FAM171A1: variants seen among roughly 807,000 people sequenced by gnomAD.
FAM171A1 encodes family with sequence similarity 171 member A1, also known as protein FAM171A1.
In FAM171A1, 23 loss-of-function variants were observed where a neutral mutation model predicts 74.9. The ratio of observed to expected loss-of-function variants is 0.31; its 90% CI spans 0.22 to 0.44. FAM171A1 has a LOEUF of 0.44. Among genes scored for constraint, FAM171A1 ranks in the 20% least tolerant of loss-of-function variants. The pLI is 1.00. For missense variants in FAM171A1, 1,162 were observed against 1,159.2 expected (o/e 1.00, Z -0.03); for synonymous variants, 527 against 505.7 (o/e 1.04, Z -0.57).
chr10:15,280,860 G>A (rs1300976272), intron 2 of FAM171A1, among the ~76,000 whole-genome samples: 1 of 152,176 alleles, frequency 6.6e-6, no homozygotes, highest in Non-Finnish European at 1.5e-5. Flanking sequence ...TTTCACAATA[G>A]GCTAAATTTT....
In FAM171A1 at chr10:15,215,905, A is replaced by C. The variant is rs1259321179; in HGVS notation, c.986+91T>G. ...TACTTCAATTTAGAAAAATTAAAAA[A>C]AAAACCCACCTCCATATTAATGCTT... On this transcript the variant is annotated intron_variant, in intron 7 of 7. Coordinates refer to ENST00000378116, the MANE Select transcript of FAM171A1 (RefSeq NM_001010924.2). 4.0e-6 allele frequency: 3 copies of C among 755,510 alleles called. No individual in the cohort carries two copies. In the East Asian group the frequency reaches 8.6e-5, roughly 22 times the overall value. 46.8% of individuals were successfully genotyped at this position (755,510 alleles called of 1,614,324 possible). A position where few individuals can be genotyped will look rare whatever the true frequency, so the allele number is the denominator to read the frequency against.
At chr10:15,308,346 G>A (rs1422450846) in intron 1 of FAM171A1, among the ~76,000 whole-genome samples, 2 of 152,220 alleles carry the variant, frequency 1.3e-5, no homozygotes, top group African/African-American at 2.4e-5. Context: ...ATGCTAGGGG[G>A]AGGTTATAAA....
At chr10:15,335,658 TGAAA>T in intron 1 of FAM171A1, among the ~76,000 whole-genome samples, 1 of 152,348 alleles carries the variant, frequency 6.6e-6, no homozygotes, top group East Asian at 1.9e-4. Flanking sequence ...ATTCACAGCC[TGAAA>T]GTGACAGGGG....
At chr10:15,289,520 G>A (rs953857887) in intron 1 of FAM171A1, among the ~76,000 whole-genome samples, 1 of 152,178 alleles carries the variant, frequency 6.6e-6, no homozygotes, top group Middle Eastern at 3.4e-3. Context: ...CGTGAACACT[G>A]CCCTATTTCC....
Position 15,228,974 on chromosome 10 carries a change from C to T in FAM171A1, c.755-7914G>A, listed in dbSNP as rs1263553733. 2.0e-5 allele frequency among the ~76,000 whole-genome samples: 3 copies of T among 152,188 alleles called. No homozygotes were observed. The East Asian group carries it at 5.8e-4, about 29-fold the overall frequency. Reference sequence around the variant, plus strand: ...TTGTAGCTGGGTACTTTACTTCTTGCAGCTAATGTATTCTAATAGATGTAT... The same window carrying T: ...TTGTAGCTGGGTACTTTACTTCTTGTAGCTAATGTATTCTAATAGATGTAT... On this transcript the variant is annotated intron_variant, in intron 5 of 7. Coordinates refer to ENST00000378116, the MANE Select transcript of FAM171A1 (RefSeq NM_001010924.2).
At chr10:15,216,645 G>C (rs1452760745) in intron 6 of FAM171A1, among the ~76,000 whole-genome samples, 1 of 151,946 alleles carries the variant, frequency 6.6e-6, no homozygotes, top group Non-Finnish European at 1.5e-5. Context: ...TGTTGCCTAG[G>C]TGGGTCTTGA....
intron 5 of FAM171A1, among the ~76,000 whole-genome samples, chr10:15,225,717 C>T (rs1834097858): frequency 6.6e-6 from 1 of 152,078 alleles, no homozygotes. Flanking sequence ...AGGAAGGGCG[C>T]CCTTTCATCA....
chr10:15,233,948 G>A (rs1834245045), intron 5 of FAM171A1, among the ~76,000 whole-genome samples: 1 of 151,344 alleles, frequency 6.6e-6, no homozygotes, highest in South Asian at 2.1e-4. Flanking sequence ...ATACATGGCT[G>A]GAGTGTACTA....
chr10:15,255,397 C>A (rs994988596), intron 3 of FAM171A1, among the ~76,000 whole-genome samples: 2 of 152,198 alleles, frequency 1.3e-5, no homozygotes, highest in East Asian at 1.9e-4. Context: ...AATACCCCAG[C>A]GGCAATGAAT....
chr10:15,328,301 A>G (rs1198775668), intron 1 of FAM171A1, among the ~76,000 whole-genome samples: 2 of 151,982 alleles, frequency 1.3e-5, no homozygotes, highest in Non-Finnish European at 2.9e-5. Flanking sequence ...CCCACCACCA[A>G]GCCCAGCTAA....
At chr10:15,247,719 C>T (rs934167365) in intron 5 of FAM171A1, among the ~76,000 whole-genome samples, 3 of 152,122 alleles carry the variant, frequency 2.0e-5, no homozygotes, top group Non-Finnish European at 1.5e-5. Context: ...GTGAACCACC[C>T]GCCTCAGCCT....
Position 15,220,973 on chromosome 10 carries a change from C to A in FAM171A1, c.842G>T (p.Trp281Leu). ...WTYIAPQLGY[W>L]VAAMSPPIPG... is the part of the protein sequence containing the mutation. ...GATGGGAGGGGACATGGCGGCCACCCAGTACCCCAACTGGGGGGCAATGTA... is the reference window on the plus strand; with the variant it reads ...GATGGGAGGGGACATGGCGGCCACCAAGTACCCCAACTGGGGGGCAATGTA... Residue 281 changes from tryptophan (W) to leucine (L), a missense_variant, in exon 6 of 8, where the codon TGG (tryptophan) becomes TTG (leucine). Transcript: ENST00000378116. The A allele has an allele frequency of 6.2e-7, 1 of 1,614,060 alleles. No homozygotes were observed.
At chr10:15,317,931 C>T (rs1214760324) in intron 1 of FAM171A1, among the ~76,000 whole-genome samples, 1 of 152,252 alleles carries the variant, frequency 6.6e-6, no homozygotes, top group Non-Finnish European at 1.5e-5. Context: ...GCTGGGACTA[C>T]AGGCATGTGC....
At chr10:15,365,275 C>T (rs770165947) in intron 1 of FAM171A1, among the ~76,000 whole-genome samples, 24 of 152,118 alleles carry the variant, frequency 1.6e-4, no homozygotes, top group Non-Finnish European at 2.9e-4. Context: ...AACAGAGAAG[C>T]AGGAATGCCG....
intron 5 of FAM171A1, among the ~76,000 whole-genome samples, chr10:15,232,448 T>C (rs1411518290): frequency 1.3e-5 from 2 of 152,196 alleles, no homozygotes; most frequent in African/African-American, 4.8e-5. Context: ...GTTTCGCCAT[T>C]GTTTTATCGC....
At position 15,263,014 on chromosome 10, in the gene FAM171A1, T is replaced by G. The variant is rs868429755; in HGVS notation, c.419-8135A>C. Among the ~76,000 whole-genome samples the G allele has an allele frequency of 5.3e-5, 8 of 152,264 alleles. No individual in the cohort carries two copies. In the South Asian group the frequency reaches 1.0e-3, roughly 20 times the overall value. ...GGTGGGGCGAGGGGCATATGGAGTG[T>G]GCTGGGAAAAGCTTCCCACAGCAGC... is the stretch of plus-strand genomic sequence containing the variant. On this transcript the variant is annotated intron_variant, in intron 3 of 7. Transcript: ENST00000378116.
At chr10:15,307,092 T>G (rs1835304785) in intron 1 of FAM171A1, among the ~76,000 whole-genome samples, 1 of 152,198 alleles carries the variant, frequency 6.6e-6, no homozygotes, top group South Asian at 2.1e-4. Flanking sequence ...CCTGCTTCTA[T>G]GTGCTGACCC....
chr10:15,215,918 C>T (rs556905054), intron 7 of FAM171A1, 78 bp downstream of exon 7: 416 of 837,096 alleles, frequency 5.0e-4, no homozygotes, highest in Middle Eastern at 9.2e-4. Flanking sequence ...AACCCACCTC[C>T]ATATTAATGC....
intron 3 of FAM171A1, among the ~76,000 whole-genome samples, chr10:15,263,828 A>T (rs1037477988): frequency 4.0e-5 from 6 of 151,132 alleles, no homozygotes; most frequent in African/African-American, 1.5e-4. Flanking sequence ...CTAATCTATC[A>T]TCTATCTATA....
Sources: gnomAD v4.1 joint callset for allele counts (sites outside exome capture counted in the v4.1 genomes callset) on GRCh38, gnomAD v4.1.1 for gene constraint, MANE v1.5 for transcripts, NCBI Gene and HGNC (gene_info 2026-07-23, HGNC 2026-07-21) for gene names.